The following TNFRSF1B variants were observed in gnomAD, a reference collection of about 807,000 sequenced individuals.
The protein encoded by TNFRSF1B is TNF receptor superfamily member 1B, also known as tumor necrosis factor receptor superfamily member 1B.
A neutral mutation model predicts 44.6 loss-of-function variants in TNFRSF1B; 19 were observed. That is an observed-to-expected ratio of 0.43 (90% CI 0.30 to 0.62). TNFRSF1B has a LOEUF of 0.62. Ranked by LOEUF, TNFRSF1B falls within the 20% of genes least tolerant of loss-of-function variation. The pLI, the probability that TNFRSF1B is intolerant of heterozygous loss-of-function variation, is 0.16. For missense variants in TNFRSF1B, 541 were observed against 619.9 expected (o/e 0.87, Z 1.35); for synonymous variants, 252 against 261.1 (o/e 0.97, Z 0.34).
intron 6 of TNFRSF1B, chr1:12,193,316 T>C: frequency 1.5e-6 from 1 of 685,932 alleles, no homozygotes; most frequent in Non-Finnish European, 2.7e-6. Context: ...CTCAAGCCTG[T>C]AATCCCAGTG....
At position 12,187,827 on chromosome 1, in the gene TNFRSF1B, G is replaced by A. The variant is rs967916994; in HGVS notation, c.79-969G>A. Among the ~76,000 whole-genome samples the A allele has an allele frequency of 6.6e-6, 1 of 152,208 alleles. No individual in the cohort carries two copies. Among genetic ancestry groups the A allele is most frequent in the Admixed American group, 6.5e-5 (1 of 15,284 alleles). On this transcript the variant is annotated intron_variant, in intron 1 of 9. Transcript: ENST00000376259. The surrounding 1 kb of genome is among the most constrained non-coding windows in gnomAD (Gnocchi z 5.5). ...TCAGGGGAGGGGGCTTAGCAGGGAC[G>A]TTGTTCACCAGCTTCAGCCCAACAC... is the stretch of plus-strand genomic sequence containing the variant.
chr1:12,169,531 C>T lies in TNFRSF1B; in HGVS notation c.78+2362C>T, dbSNP rs1638474487. ...TCCCAAGCTCCTTTCACTGCACCCT[C>T]CCCGTGCCCGTATCTGCACTCATGC... On this transcript the variant is annotated intron_variant, in intron 1 of 9. Transcript: ENST00000376259. The surrounding 1 kb of genome is among the most constrained non-coding windows in gnomAD (Gnocchi z 4.5). 6.6e-6 allele frequency among the ~76,000 whole-genome samples: 1 copy of T among 152,220 alleles called. No homozygotes were observed. The highest frequency in any genetic ancestry group is 2.4e-5 in the African/African-American group (1 of 41,452).
In TNFRSF1B at chr1:12,178,244, C is replaced by T. The variant is rs763066298; in HGVS notation, c.79-10552C>T. 1.4e-4 allele frequency among the ~76,000 whole-genome samples: 21 copies of T among 152,188 alleles called. No individual in the cohort carries two copies. The highest frequency in any genetic ancestry group is 3.6e-4 in the African/African-American group (15 of 41,432). The stretch of plus-strand genomic sequence containing the variant: ...TTGCTTCTGTTGAGCAATTCGGCAT[C>T]GATGAGACGCCAGCTGTGGGCTGTG... On this transcript the variant is annotated intron_variant, in intron 1 of 9. Transcript: ENST00000376259. The surrounding 1 kb of genome is among the most constrained non-coding windows in gnomAD (Gnocchi z 4.3).
intron 2 of TNFRSF1B, among the ~76,000 whole-genome samples, chr1:12,189,713 G>A (rs548580): frequency 0.2 from 31,191 of 152,178 alleles, 3,312 homozygotes; most frequent in South Asian, 0.26. Flanking sequence ...GAGATGTGTG[G>A]TCCTGTCTAT....
chr1:12,181,363 G>A (rs775990738), intron 1 of TNFRSF1B, among the ~76,000 whole-genome samples: 120 of 152,212 alleles, frequency 7.9e-4, no homozygotes, highest in African/African-American at 2.7e-3. Context: ...CCCCCATGGA[G>A]CCCCCAGGAG....
chr1:12,182,808 G>A (rs1638840873), intron 1 of TNFRSF1B, among the ~76,000 whole-genome samples: 1 of 152,252 alleles, frequency 6.6e-6, no homozygotes, highest in Non-Finnish European at 1.5e-5. Flanking sequence ...GAGCAACAGG[G>A]TGGGGGTCTA....
At chr1:12,192,762 C>T (rs1006857088) in intron 5 of TNFRSF1B, 101 bp from the exon 6 acceptor site, 31 of 1,066,842 alleles carry the variant, frequency 2.9e-5, no homozygotes, top group African/African-American at 2.8e-4. Flanking sequence ...GGGCACACAT[C>T]GTCACTCTCC....
At chr1:12,198,005 G>A (rs1357183165) in intron 8 of TNFRSF1B, among the ~76,000 whole-genome samples, 2 of 151,776 alleles carry the variant, frequency 1.3e-5, no homozygotes. Context: ...GGCGCCCGTA[G>A]TCCCAGCTAC....
chr1:12,198,123 A>G (rs1387303069), intron 8 of TNFRSF1B, among the ~76,000 whole-genome samples: 2 of 23,624 alleles, frequency 8.5e-5, no homozygotes, highest in Admixed American at 5.1e-4. Context: ...CTCCATCTCA[A>G]AAAAAAAAAA....
At chr1:12,198,783 C>T (rs994110448) in intron 8 of TNFRSF1B, among the ~76,000 whole-genome samples, 8 of 146,536 alleles carry the variant, frequency 5.5e-5, no homozygotes, top group Admixed American at 1.4e-4. Flanking sequence ...CTCCGCCTCC[C>T]GGGTTCACAC....
intron 1 of TNFRSF1B, among the ~76,000 whole-genome samples, chr1:12,179,278 A>T (rs1638735653): frequency 6.6e-6 from 1 of 152,008 alleles, no homozygotes; most frequent in African/African-American, 2.4e-5. Flanking sequence ...CGCAGATGCC[A>T]TTCCTCTCCG....
At chr1:12,201,611 C>T (rs1457770434) in intron 8 of TNFRSF1B, among the ~76,000 whole-genome samples, 2 of 152,110 alleles carry the variant, frequency 1.3e-5, no homozygotes, top group Non-Finnish European at 2.9e-5. Flanking sequence ...GCCATGTCTC[C>T]CTGTGCAGAT....
chr1:12,204,449 GGCTACCCTATCCGAGTA>G (rs1332601926), intron 9 of TNFRSF1B, among the ~76,000 whole-genome samples: 1 of 152,134 alleles, frequency 6.6e-6, no homozygotes, highest in Non-Finnish European at 1.5e-5. Context: ...TCCACCTCCC[GGCTACCCTATCCGAGTA>G]GTTGGAGTTA....
At position 12,171,412 on chromosome 1, in the gene TNFRSF1B, C is replaced by A. The variant is rs904839961; in HGVS notation, c.78+4243C>A. On this transcript the variant is annotated intron_variant, in intron 1 of 9. Coordinates refer to ENST00000376259, the MANE Select transcript of TNFRSF1B (RefSeq NM_001066.3). The surrounding 1 kb of genome is among the most constrained non-coding windows in gnomAD (Gnocchi z 4.5). ...CTTGCTTTCCCCATCACCTCCAATA[C>A]TCCTCCTGCTGACGTCTCTTGGTCT... 6.6e-6 allele frequency among the ~76,000 whole-genome samples: 1 copy of A among 152,212 alleles called. No homozygotes were observed. The highest frequency in any genetic ancestry group is 1.5e-5 in the Non-Finnish European group (1 of 68,046).
chr1:12,172,052 T>C (rs1463034628), intron 1 of TNFRSF1B, among the ~76,000 whole-genome samples: 2 of 152,084 alleles, frequency 1.3e-5, no homozygotes, highest in Non-Finnish European at 2.9e-5. Context: ...CTCCCCAAAT[T>C]GCTCACCCCC....
Position 12,171,932 on chromosome 1 carries a change from G to A in TNFRSF1B, c.78+4763G>A, listed in dbSNP as rs1020685837. 6.6e-6 allele frequency among the ~76,000 whole-genome samples: 1 copy of A among 152,172 alleles called. No homozygotes were observed. Among genetic ancestry groups the A allele is most frequent in the African/African-American group, 2.4e-5 (1 of 41,430 alleles). ...GCCCTGTTTTACAGATGAGACGGGG[G>A]TTTGAAAAGTCAGTGGTGGCAGGGT... On this transcript the variant is annotated intron_variant, in intron 1 of 9. Transcript: ENST00000376259. The surrounding 1 kb of genome is among the most constrained non-coding windows in gnomAD (Gnocchi z 4.5).
intron 1 of TNFRSF1B, among the ~76,000 whole-genome samples, chr1:12,184,878 C>A (rs1161608490): frequency 1.3e-5 from 2 of 152,208 alleles, no homozygotes; most frequent in African/African-American, 4.8e-5. Context: ...TCCCACGAGA[C>A]CTGTGCTGGC....
chr1:12,167,507 G>C, intron 1 of TNFRSF1B: 1 of 435,124 alleles, frequency 2.3e-6, no homozygotes, highest in South Asian at 2.1e-5. Context: ...CGCTAGACCC[G>C]GGACCCCTCT....
chr1:12,202,038 G>A lies in TNFRSF1B; in HGVS notation c.972G>A (p.Pro324=), dbSNP rs201872077. The A allele has an allele frequency of 3.7e-6, 6 of 1,611,364 alleles. No homozygotes were observed. The Admixed American group carries it at 5.0e-5, about 13-fold the overall frequency. ...PEQQHLLITA[P]SSSSSSLESS... is the part of the protein sequence containing the mutation. ...AGCAGCACCTGCTGATCACAGCGCCGAGCTCCAGCAGCAGCTCCCTGGAGA... is the reference window on the plus strand; with the variant it reads ...AGCAGCACCTGCTGATCACAGCGCCAAGCTCCAGCAGCAGCTCCCTGGAGA... Residue 324 remains proline (P), a synonymous_variant, in exon 9 of 10, where the codon CCG becomes CCA. Transcript: ENST00000376259.
Sources: gnomAD v4.1 joint callset for allele counts (sites outside exome capture counted in the v4.1 genomes callset) on GRCh38, gnomAD v4.1.1 for gene constraint, Gnocchi (gnomAD v3.1) non-coding constraint, MANE v1.5 for transcripts, NCBI Gene and HGNC (gene_info 2026-07-23, HGNC 2026-07-21) for gene names.